RNFT2: variants seen among roughly 807,000 people sequenced by gnomAD.
RNFT2 encodes the protein ring finger protein, transmembrane 2, also known as E3 ubiquitin-protein ligase RNFT2.
In RNFT2, 36 loss-of-function variants were observed where a neutral mutation model predicts 53.0. The ratio of observed to expected loss-of-function variants is 0.68; its 90% CI spans 0.52 to 0.90. The LOEUF (loss-of-function observed/expected upper bound fraction) is 0.90, where lower values mean the gene tolerates loss of function less well. Among genes scored for constraint, RNFT2 ranks in the 40% least tolerant of loss-of-function variants. The probability of loss-of-function intolerance (pLI) is 0.00; values close to 1 mark genes in which losing one functional copy is unlikely to be tolerated. For synonymous variants in RNFT2, 260 were observed against 253.2 expected, an observed-to-expected ratio of 1.03 and a Z score of -0.26; for missense variants, 514 against 585.6, an observed-to-expected ratio of 0.88 and a Z score of 1.26.
intron 7 of RNFT2, among the ~76,000 whole-genome samples, chr12:116,780,276 T>C (rs79567557): frequency 0.077 from 11,664 of 152,222 alleles, 607 homozygotes; most frequent in African/African-American, 0.15. Flanking sequence ...ACCGGTTTCA[T>C]GGAAGACAGT....
Position 116,853,479 on chromosome 12 carries a change from G to A in RNFT2, c.*4031G>A, listed in dbSNP as rs182664029. 47 of 325,210 alleles carry A rather than the reference G, an allele frequency of 1.4e-4. No individual in the cohort carries two copies. The highest frequency in any genetic ancestry group is 9.7e-4 in the East Asian group (21 of 21,642). The allele number at this position is 325,210 out of a possible 1,614,324, so 20.1% of individuals were successfully genotyped here. On this transcript the variant is annotated 3_prime_UTR_variant, in exon 11 of 11. Transcript: ENST00000257575. ...TGTGCAGAGTGTTAGGAAGACATCCGGGCTGCTGAGACTCGGGATTAGAAG... is the reference window on the plus strand; with the variant it reads ...TGTGCAGAGTGTTAGGAAGACATCCAGGCTGCTGAGACTCGGGATTAGAAG...
At chr12:116,847,839 T>A (rs2893689) in intron 10 of RNFT2, among the ~76,000 whole-genome samples, 133,074 of 152,158 alleles carry the variant, frequency 0.87, 58,418 homozygotes, top group Admixed American at 0.92. Flanking sequence ...CTCTCTTTTT[T>A]AAAAAATTTA....
chr12:116,835,912 C>T lies in RNFT2; in HGVS notation c.1033-48C>T, dbSNP rs771794940. On this transcript the variant is annotated intron_variant, in intron 8 of 10. Transcript: ENST00000257575. Reference sequence around the variant, plus strand: ...GGGTGGGGTGATTGTGCAGGGGTCACGAGTGATCCTTGGGTACATTTCAGC... The same window carrying T: ...GGGTGGGGTGATTGTGCAGGGGTCATGAGTGATCCTTGGGTACATTTCAGC... The T allele has an allele frequency of 2.1e-5, 34 of 1,606,302 alleles. No individual in the cohort carries two copies. In the East Asian group the frequency reaches 2.9e-4, roughly 14 times the overall value.
Position 116,799,861 on chromosome 12 carries a change from C to T in RNFT2, c.882+20513C>T, listed in dbSNP as rs867795547. ...GTGATACAGTTTGGATGTTTGTCCCCTCCAAATCTCATGGTAAAAAGTGAT... is the reference window on the plus strand; with the variant it reads ...GTGATACAGTTTGGATGTTTGTCCCTTCCAAATCTCATGGTAAAAAGTGAT... On this transcript the variant is annotated intron_variant, in intron 7 of 10. Coordinates refer to ENST00000257575, the MANE Select transcript of RNFT2 (RefSeq NM_001382266.1). 2.0e-5 allele frequency among the ~76,000 whole-genome samples: 3 copies of T among 152,300 alleles called. No homozygotes were observed. In the South Asian group the frequency reaches 6.2e-4, roughly 32 times the overall value.
At chr12:116,786,694 G>A (rs1197067312) in intron 7 of RNFT2, among the ~76,000 whole-genome samples, 1 of 152,158 alleles carries the variant, frequency 6.6e-6, no homozygotes, top group Non-Finnish European at 1.5e-5. Flanking sequence ...TTGCAGTAAC[G>A]AAATACCACA....
intron 10 of RNFT2, among the ~76,000 whole-genome samples, chr12:116,848,965 C>A (rs1033816198): frequency 3.9e-4 from 60 of 151,992 alleles, no homozygotes; most frequent in Non-Finnish European, 1.6e-4. Context: ...ACTACAGGCG[C>A]CCACCACCAC....
chr12:116,755,637 C>T (rs1446644924), intron 5 of RNFT2: 11 of 1,232,924 alleles, frequency 8.9e-6, no homozygotes, highest in Non-Finnish European at 1.2e-5. Context: ...TTGCCCTTAA[C>T]TTGTTTGTTT....
chr12:116,790,094 G>A (rs1254128737), intron 7 of RNFT2, among the ~76,000 whole-genome samples: 1 of 152,160 alleles, frequency 6.6e-6, no homozygotes, highest in African/African-American at 2.4e-5. Flanking sequence ...TTTGGTAGGT[G>A]TCAAAACACT....
chr12:116,798,999 G>T (rs1345231129), intron 7 of RNFT2, among the ~76,000 whole-genome samples: 2 of 151,946 alleles, frequency 1.3e-5, no homozygotes, highest in Non-Finnish European at 2.9e-5. Context: ...AGGTCAGCTT[G>T]ATTGAGTTTT....
chr12:116,788,561 C>T (rs1404820723), intron 7 of RNFT2, among the ~76,000 whole-genome samples: 1 of 152,168 alleles, frequency 6.6e-6, no homozygotes, highest in African/African-American at 2.4e-5. Flanking sequence ...CCTATTCTGG[C>T]ACCCACCACT....
chr12:116,821,230 C>T (rs12307874), intron 7 of RNFT2, among the ~76,000 whole-genome samples: 3,458 of 151,926 alleles, frequency 0.023, 140 homozygotes, highest in African/African-American at 0.078. Context: ...TATCCACTTC[C>T]CTCCTTCCTT....
intron 10 of RNFT2, among the ~76,000 whole-genome samples, chr12:116,847,901 T>C (rs930432181): frequency 2.0e-5 from 3 of 152,168 alleles, no homozygotes; most frequent in African/African-American, 7.2e-5. Context: ...GTTTGTTACA[T>C]AGGTAAACGT....
intron 7 of RNFT2, among the ~76,000 whole-genome samples, chr12:116,811,759 T>C (rs78708735): frequency 0.04 from 6,057 of 152,326 alleles, 173 homozygotes; most frequent in South Asian, 0.088. Flanking sequence ...CAGGCCCTGT[T>C]GCAGGGGGCT....
chr12:116,829,368 G>C (rs1296735021), intron 7 of RNFT2, among the ~76,000 whole-genome samples: 2 of 152,098 alleles, frequency 1.3e-5, no homozygotes, highest in Admixed American at 1.3e-4. Flanking sequence ...GTTCCAGAGG[G>C]AAACCAGCAT....
chr12:116,843,430 C>A (rs1877452444), intron 10 of RNFT2, among the ~76,000 whole-genome samples: 1 of 133,658 alleles, frequency 7.5e-6, no homozygotes, highest in Admixed American at 8.8e-5. Flanking sequence ...AAGGTCGAGG[C>A]TGCAGTGAGC....
At chr12:116,790,730 G>C (rs1474934521) in intron 7 of RNFT2, among the ~76,000 whole-genome samples, 2 of 152,244 alleles carry the variant, frequency 1.3e-5, no homozygotes, top group African/African-American at 4.8e-5. Context: ...GCCAAGTTGG[G>C]AGGATCTCTT....
chr12:116,746,455 A>G (rs1202494743), intron 3 of RNFT2, among the ~76,000 whole-genome samples: 1 of 152,186 alleles, frequency 6.6e-6, no homozygotes, highest in East Asian at 1.9e-4. Flanking sequence ...TGTGCAGGTG[A>G]CATGAGGGTG....
intron 7 of RNFT2, among the ~76,000 whole-genome samples, chr12:116,803,388 A>G (rs763375346): frequency 5.3e-5 from 8 of 152,200 alleles, no homozygotes; most frequent in Non-Finnish European, 8.8e-5. Flanking sequence ...AAATATTTCA[A>G]CTATACAGAA....
chr12:116,785,229 G>A (rs992347193), intron 7 of RNFT2, among the ~76,000 whole-genome samples: 2 of 141,512 alleles, frequency 1.4e-5, no homozygotes, highest in Non-Finnish European at 3.0e-5. Flanking sequence ...TTCTTTCATA[G>A]CATTTGTGAT....
Sources: gnomAD v4.1 joint callset for allele counts (sites outside exome capture counted in the v4.1 genomes callset) on GRCh38, gnomAD v4.1.1 for gene constraint, MANE v1.5 for transcripts, NCBI Gene and HGNC (gene_info 2026-07-23, HGNC 2026-07-21) for gene names.